DCDC2: variants seen among roughly 807,000 people sequenced by gnomAD.
The protein encoded by DCDC2 is doublecortin domain containing 2.
A neutral mutation model predicts 50.2 loss-of-function variants in DCDC2; 40 were observed. The ratio of observed to expected loss-of-function variants is 0.80; its 90% CI spans 0.62 to 1.04. The LOEUF is 1.04. Among genes scored for constraint, DCDC2 ranks in the 50% least tolerant of loss-of-function variants. The probability of loss-of-function intolerance (pLI) is 0.00; values close to 1 mark genes in which losing one functional copy is unlikely to be tolerated. For missense variants in DCDC2, 570 were observed against 581.9 expected, an observed-to-expected ratio of 0.98 and a Z score of 0.21; for synonymous variants, 234 against 210.6, an observed-to-expected ratio of 1.11 and a Z score of -0.96.
chr6:24,378,548 G>T, the DCDC2 span, among the ~76,000 whole-genome samples: 1 of 152,158 alleles, frequency 6.6e-6, no homozygotes, highest in East Asian at 1.9e-4. Context: ...TAAAGTTGAA[G>T]CTGCACTCGG....
chr6:24,263,633 G>GA (rs903451391), intron 7 of DCDC2, among the ~76,000 whole-genome samples: 5 of 151,642 alleles, frequency 3.3e-5, no homozygotes, highest in African/African-American at 1.2e-4. Flanking sequence ...TGATCAAGCA[G>GA]AAAAAAAATA....
chr6:24,347,265 G>T (rs1760282057), intron 2 of DCDC2, among the ~76,000 whole-genome samples: 1 of 152,058 alleles, frequency 6.6e-6, no homozygotes, highest in Non-Finnish European at 1.5e-5. Flanking sequence ...GACCAACATT[G>T]GTAGAGTTAA....
At chr6:24,254,558 T>C (rs115295407) in intron 7 of DCDC2, among the ~76,000 whole-genome samples, 1,865 of 152,260 alleles carry the variant, frequency 0.012, 36 homozygotes, top group African/African-American at 0.042. Context: ...AACCAAAAGA[T>C]TGTTATGTAG....
chr6:24,381,942 G>A, the DCDC2 span, among the ~76,000 whole-genome samples: 5 of 102,172 alleles, frequency 4.9e-5, no homozygotes, highest in Non-Finnish European at 1.0e-4. Context: ...AAGAAAGAAA[G>A]AAGAAGAAGG....
intron 7 of DCDC2, among the ~76,000 whole-genome samples, chr6:24,258,080 G>C (rs559624578): frequency 6.6e-6 from 1 of 152,234 alleles, no homozygotes; most frequent in South Asian, 2.1e-4. Flanking sequence ...GTTCAGAGTG[G>C]GTTCCTTCGG....
Position 24,173,019 on chromosome 6 carries a change from T to A in DCDC2, c.*1711A>T, listed in dbSNP as rs1052074029. 1.3e-5 allele frequency: 2 copies of A among 150,266 alleles called. No homozygotes were observed. The highest frequency in any genetic ancestry group is 2.4e-5 in the African/African-American group (1 of 40,972). 9.3% of individuals were successfully genotyped at this position (150,266 alleles called of 1,614,324 possible). ...ATAATAATAATAATAATAATAATAATAAAGATCAATTGGTCTATTTGCCTA... is the reference window on the plus strand; with the variant it reads ...ATAATAATAATAATAATAATAATAAAAAAGATCAATTGGTCTATTTGCCTA... On this transcript the variant is annotated 3_prime_UTR_variant, in exon 10 of 10. Coordinates refer to ENST00000378454, the MANE Select transcript of DCDC2 (RefSeq NM_016356.5).
intron 8 of DCDC2, among the ~76,000 whole-genome samples, chr6:24,183,804 G>A (rs1392496388): frequency 1.3e-5 from 2 of 152,178 alleles, no homozygotes; most frequent in Non-Finnish European, 2.9e-5. Flanking sequence ...GGAAAGATGC[G>A]TAAACAAATC....
At chr6:24,265,673 G>A (rs1763102822) in intron 7 of DCDC2, among the ~76,000 whole-genome samples, 1 of 152,054 alleles carries the variant, frequency 6.6e-6, no homozygotes, top group Non-Finnish European at 1.5e-5. Context: ...ATGGGTCAAT[G>A]GGTAAATCAA....
intron 6 of DCDC2, among the ~76,000 whole-genome samples, chr6:24,282,892 G>T (rs556030902): frequency 1.6e-4 from 24 of 152,096 alleles, no homozygotes; most frequent in Non-Finnish European, 2.8e-4. Context: ...ATGGCAAAAT[G>T]GAGTTTTGGA....
intron 2 of DCDC2, among the ~76,000 whole-genome samples, chr6:24,318,539 T>G (rs1482035478): frequency 6.6e-6 from 1 of 152,106 alleles, no homozygotes; most frequent in Non-Finnish European, 1.5e-5. Flanking sequence ...TAATTTCTCA[T>G]CATTCATCCC....
At chr6:24,372,767 G>A in the DCDC2 span, among the ~76,000 whole-genome samples, 35 of 152,204 alleles carry the variant, frequency 2.3e-4, no homozygotes, top group East Asian at 6.8e-3. Flanking sequence ...GGCCAGTCGT[G>A]GGGTGGGGAG....
At chr6:24,250,211 T>A (rs962217518) in intron 7 of DCDC2, among the ~76,000 whole-genome samples, 3 of 152,140 alleles carry the variant, frequency 2.0e-5, no homozygotes, top group Non-Finnish European at 4.4e-5. Context: ...CAAGTTGGAA[T>A]CTATCAAACC....
At chr6:24,234,786 A>C (rs1027974347) in intron 7 of DCDC2, among the ~76,000 whole-genome samples, 2 of 152,180 alleles carry the variant, frequency 1.3e-5, no homozygotes, top group Non-Finnish European at 2.9e-5. Flanking sequence ...TTGGACCCCA[A>C]AAAATGTACA....
chr6:24,381,636 A>C, the DCDC2 span, among the ~76,000 whole-genome samples: 1 of 152,114 alleles, frequency 6.6e-6, no homozygotes, highest in Non-Finnish European at 1.5e-5. Context: ...AGATTCTTAG[A>C]GTCTTTACAC....
In DCDC2 at chr6:24,288,888, T is replaced by G; in HGVS notation, c.723A>C (p.Leu241=). ...RRPFGQKASS[L]PPIVGSRKSK... ...ACTTTCTGGATCCTACAATAGGAGG[T>G]AGTGAAGAAGCTTTCTGACTGTGGA... is the stretch of plus-strand genomic sequence containing the variant. The change falls in exon 6 of 10, where the codon CTA becomes CTC. Residue 241 remains leucine (L), a synonymous_variant. Coordinates refer to ENST00000378454, the MANE Select transcript of DCDC2 (RefSeq NM_016356.5). 3 of 1,601,886 alleles carry G rather than the reference T, an allele frequency of 1.9e-6. No individual in the cohort carries two copies. Among genetic ancestry groups the G allele is most frequent in the Non-Finnish European group, 2.5e-6 (3 of 1,176,778 alleles).
intron 1 of DCDC2, among the ~76,000 whole-genome samples, chr6:24,354,554 C>T (rs550833117): frequency 7.2e-5 from 11 of 152,106 alleles, no homozygotes; most frequent in African/African-American, 2.7e-4. Context: ...CATACAATGC[C>T]CCTATATAAA....
Position 24,279,653 on chromosome 6 carries a change from G to A in DCDC2, c.760-1442C>T, listed in dbSNP as rs1050398393. Among the ~76,000 whole-genome samples the A allele has an allele frequency of 2.6e-5, 4 of 152,180 alleles. No homozygotes were observed. The South Asian group carries it at 8.3e-4, about 32-fold the overall frequency. ...GCAGCCTTGGCTCTCAGATGCTCAG[G>A]TGCTAAACTTACCTGAGAGTATGTG... On this transcript the variant is annotated intron_variant, in intron 6 of 9. Coordinates refer to ENST00000378454, the MANE Select transcript of DCDC2 (RefSeq NM_016356.5).
chr6:24,260,358 A>G (rs1762982920), intron 7 of DCDC2, among the ~76,000 whole-genome samples: 1 of 152,228 alleles, frequency 6.6e-6, no homozygotes, highest in Non-Finnish European at 1.5e-5. Context: ...ACTAATTCGT[A>G]TCTCCTTACA....
At chr6:24,297,801 G>C (rs1476492288) in intron 4 of DCDC2, among the ~76,000 whole-genome samples, 1 of 152,030 alleles carries the variant, frequency 6.6e-6, no homozygotes, top group Non-Finnish European at 1.5e-5. Flanking sequence ...AAAATACAAG[G>C]AGAAAACATA....
Sources: allele counts gnomAD v4.1 joint callset (sites outside exome capture counted in the v4.1 genomes callset), GRCh38; gene constraint gnomAD v4.1.1; transcripts MANE v1.5; gene names NCBI Gene and HGNC (gene_info 2026-07-23, HGNC 2026-07-21).